Variants in GUCY1A2 observed in about 807,000 individuals in gnomAD.
GUCY1A2 encodes guanylate cyclase 1 soluble subunit alpha 2.
GUCY1A2 carries 27 observed loss-of-function variants against 63.5 expected under a neutral mutation model. The ratio of observed to expected loss-of-function variants is 0.43; its 90% CI spans 0.31 to 0.59. The LOEUF is 0.59. Among genes scored for constraint, GUCY1A2 ranks in the 20% least tolerant of loss-of-function variants. The pLI, the probability that GUCY1A2 is intolerant of heterozygous loss-of-function variation, is 0.11. For synonymous variants in GUCY1A2, 364 were observed against 343.5 expected, an observed-to-expected ratio of 1.06 and a Z score of -0.66; for missense variants, 768 against 913.3, an observed-to-expected ratio of 0.84 and a Z score of 2.05.
chr11:106,708,567 T>C lies in GUCY1A2; in HGVS notation c.1936A>G (p.Lys646Glu). The C allele has an allele frequency of 6.2e-7, 1 of 1,613,100 alleles. No homozygotes were observed. Among genetic ancestry groups the C allele is most frequent in the Non-Finnish European group, 8.5e-7 (1 of 1,179,442 alleles). The change falls in exon 7 of 8, where the codon AAA becomes GAA. Residue 646 changes from lysine to glutamate, a missense_variant. By Grantham distance (56) the Lys-to-Glu change is moderately conservative. This residue lies in a region of GUCY1A2 where 150 missense variants were observed against 188.3 expected (regional missense o/e 0.80). Transcript: ENST00000526355. The stretch of plus-strand genomic sequence containing the variant: ...CGAGGGTGACTTCCCGACTCGAATT[T>C]GCTTGCCAGTGTGACATTATTTCCA... ...LFGNNVTLASKFESGSHPRRI... is the reference protein window; with the variant it reads ...LFGNNVTLASEFESGSHPRRI...
At chr11:106,712,603 CATAA>C (rs1863139786) in intron 6 of GUCY1A2, among the ~76,000 whole-genome samples, 1 of 146,124 alleles carries the variant, frequency 6.8e-6, no homozygotes, top group African/African-American at 2.7e-5. Flanking sequence ...TTTATAATCT[CATAA>C]ATATTATTGA....
intron 5 of GUCY1A2, among the ~76,000 whole-genome samples, chr11:106,781,133 A>AT (rs1864455856): frequency 6.7e-6 from 1 of 149,692 alleles, no homozygotes; most frequent in African/African-American, 2.5e-5. Context: ...AAAAAAAAAA[A>AT]GAAAAACTGT....
At chr11:106,745,605 A>G (rs936193023) in intron 6 of GUCY1A2, among the ~76,000 whole-genome samples, 1 of 152,218 alleles carries the variant, frequency 6.6e-6, no homozygotes, top group African/African-American at 2.4e-5. Flanking sequence ...GAGCTAAAGA[A>G]TATTTCCTTC....
At chr11:106,716,712 T>C (rs1326148765) in intron 6 of GUCY1A2, among the ~76,000 whole-genome samples, 2 of 130,532 alleles carry the variant, frequency 1.5e-5, no homozygotes, top group African/African-American at 3.0e-5. Flanking sequence ...GAGCTTGTAG[T>C]GAGCCGAGAT....
intron 4 of GUCY1A2, among the ~76,000 whole-genome samples, chr11:106,914,810 A>T (rs1475511790): frequency 6.6e-6 from 1 of 152,086 alleles, no homozygotes; most frequent in Non-Finnish European, 1.5e-5. Flanking sequence ...AGTAAGTCAC[A>T]AAGGGACTTC....
rs544429015 is a variant in GUCY1A2, at chr11:106,964,706, G to A, written c.487+13913C>T. Among the ~76,000 whole-genome samples, 28 of 152,312 alleles carry A rather than the reference G, an allele frequency of 1.8e-4. No individual in the cohort carries two copies. In the South Asian group the frequency reaches 3.7e-3, roughly 20 times the overall value. ...ATTTATAAAATATTTTTGGCCAGGT[G>A]AGGTGCCTCATGCCTGTAATCCCAG... On this transcript the variant is annotated intron_variant, in intron 3 of 7. Transcript: ENST00000526355.
intron 3 of GUCY1A2, among the ~76,000 whole-genome samples, chr11:106,955,954 C>T (rs950275460): frequency 9.2e-5 from 14 of 152,044 alleles, no homozygotes; most frequent in African/African-American, 2.9e-4. Flanking sequence ...AGATTCTGTC[C>T]TTTTATCAAG....
intron 3 of GUCY1A2, among the ~76,000 whole-genome samples, chr11:106,961,418 AT>A (rs1861056357): frequency 1.3e-5 from 2 of 152,084 alleles, no homozygotes; most frequent in East Asian, 1.9e-4. Context: ...TGGATCTTTT[AT>A]TTTTTCCCAT....
At chr11:106,722,710 T>C (rs1197233391) in intron 6 of GUCY1A2, among the ~76,000 whole-genome samples, 2 of 151,514 alleles carry the variant, frequency 1.3e-5, no homozygotes, top group South Asian at 2.1e-4. Flanking sequence ...GAAAAAAAAA[T>C]AGGAAATTTT....
intron 4 of GUCY1A2, among the ~76,000 whole-genome samples, chr11:106,929,652 T>C (rs61133599): frequency 0.02 from 3,097 of 152,260 alleles, 96 homozygotes; most frequent in African/African-American, 0.07. Flanking sequence ...TTCAGTAAAA[T>C]ATCCCTGAGT....
chr11:106,927,731 A>AT (rs1391019556), intron 4 of GUCY1A2, among the ~76,000 whole-genome samples: 52 of 146,550 alleles, frequency 3.5e-4, no homozygotes, highest in Non-Finnish European at 6.0e-4. Flanking sequence ...CGCCCGGCTA[A>AT]TTTTTTTTTT....
At chr11:106,922,067 C>T (rs1860451453) in intron 4 of GUCY1A2, among the ~76,000 whole-genome samples, 1 of 152,130 alleles carries the variant, frequency 6.6e-6, no homozygotes, top group South Asian at 2.1e-4. Flanking sequence ...AACACTTGTA[C>T]AATTAGCTTT....
chr11:106,910,246 A>T (rs973814854), intron 4 of GUCY1A2, among the ~76,000 whole-genome samples: 9 of 152,008 alleles, frequency 5.9e-5, no homozygotes, highest in Non-Finnish European at 2.9e-5. Flanking sequence ...AGTTTTAAAT[A>T]AAAAATCCAA....
At chr11:106,906,126 CA>C (rs766941629) in intron 4 of GUCY1A2, among the ~76,000 whole-genome samples, 1 of 152,008 alleles carries the variant, frequency 6.6e-6, no homozygotes, top group Non-Finnish European at 1.5e-5. Context: ...TTCTGTGCAG[CA>C]AAAGAAACTG....
chr11:106,887,067 T>C (rs2135475501), intron 4 of GUCY1A2, among the ~76,000 whole-genome samples: 1 of 152,220 alleles, frequency 6.6e-6, no homozygotes, highest in African/African-American at 2.4e-5. Context: ...AACTCAAATC[T>C]TATCTCCTCT....
intron 6 of GUCY1A2, among the ~76,000 whole-genome samples, chr11:106,708,937 T>G (rs567558747): frequency 6.6e-6 from 1 of 151,356 alleles, no homozygotes; most frequent in Non-Finnish European, 1.5e-5. Flanking sequence ...CTGGTTATGT[T>G]ACAGGTTAAA....
At chr11:106,852,372 C>T (rs1186759250) in intron 4 of GUCY1A2, among the ~76,000 whole-genome samples, 2 of 152,024 alleles carry the variant, frequency 1.3e-5, no homozygotes, top group Admixed American at 1.3e-4. Flanking sequence ...TGAAAGCAGA[C>T]ATCTTTGCCT....
At chr11:106,695,882 T>C (rs951052894) in intron 7 of GUCY1A2, among the ~76,000 whole-genome samples, 1 of 152,230 alleles carries the variant, frequency 6.6e-6, no homozygotes, top group African/African-American at 2.4e-5. Flanking sequence ...AGGCAATCTG[T>C]GGGATCTAAA....
chr11:106,797,856 AC>A (rs1864795013), intron 5 of GUCY1A2, among the ~76,000 whole-genome samples: 1 of 152,184 alleles, frequency 6.6e-6, no homozygotes, highest in Admixed American at 6.5e-5. Context: ...AATGAAAAGA[AC>A]TAGAGAAGCA....
Sources: gnomAD v4.1 joint callset for allele counts (sites outside exome capture counted in the v4.1 genomes callset) on GRCh38, gnomAD v4.1.1 for gene constraint, gnomAD v4.1.1 regional missense constraint, MANE v1.5 for transcripts, NCBI Gene and HGNC (gene_info 2026-07-23, HGNC 2026-07-21) for gene names.